The following PARVB variants were observed in gnomAD, a reference collection of about 807,000 sequenced individuals.
PARVB encodes beta-parvin.
A neutral mutation model predicts 47.0 loss-of-function variants in PARVB; 46 were observed. That is an observed-to-expected ratio of 0.98 (90% confidence interval 0.77 to 1.25). PARVB has a LOEUF of 1.25. PARVB is among the 50% of genes most tolerant of loss of function. PARVB has a pLI of 0.00. For missense variants in PARVB, 473 were observed against 471.6 expected, an observed-to-expected ratio of 1.00 and a Z score of -0.03; for synonymous variants, 196 against 196.3, an observed-to-expected ratio of 1.00 and a Z score of 0.01.
In PARVB at chr22:44,136,515, C is replaced by T. The variant is rs772783573; in HGVS notation, c.689C>T (p.Thr230Ile). 1.5e-5 allele frequency: 24 copies of T among 1,613,546 alleles called. 1 individual carries two copies. The highest frequency in any genetic ancestry group is 2.0e-5 in the Non-Finnish European group (24 of 1,179,636). The change falls in exon 7 of 13, where the codon ACA becomes ATA. Residue 230 changes from threonine to isoleucine, a missense_variant. Transcript: ENST00000338758. ...ATCTCGGAGGAGCTGACCACAACTA[C>T]AGAGTAAGTGGACCCCTGTCTTGCC... ...SHISEELTTT[T>I]EMMMGRFERD...
intron 2 of PARVB, among the ~76,000 whole-genome samples, chr22:44,096,321 TGAA>T: frequency 6.6e-6 from 1 of 152,152 alleles, no homozygotes; most frequent in Non-Finnish European, 1.5e-5. Context: ...TGCCTGAGTC[TGAA>T]GAAGTTGAGG....
At chr22:44,158,966 CTGTT>C (rs2053994346) in intron 11 of PARVB, among the ~76,000 whole-genome samples, 2 of 152,206 alleles carry the variant, frequency 1.3e-5, no homozygotes, top group African/African-American at 4.8e-5. Context: ...ACGTTGCAGT[CTGTT>C]TGCTTGTGGC....
At chr22:44,151,589 C>T (rs374672172) in intron 10 of PARVB, 38 bp downstream of exon 10, 63 of 1,502,602 alleles carry the variant, frequency 4.2e-5, no homozygotes, top group African/African-American at 3.0e-4. Flanking sequence ...CTTTGTCCAC[C>T]GCCATTTTCA....
At chr22:44,000,420 T>G (rs1424144818) in intron 2 of PARVB, among the ~76,000 whole-genome samples, 1 of 152,214 alleles carries the variant, frequency 6.6e-6, no homozygotes, top group Non-Finnish European at 1.5e-5. Context: ...AGTCCCCTGT[T>G]TCCCAGTGAA....
intron 1 of PARVB, among the ~76,000 whole-genome samples, chr22:44,032,217 C>T (rs370051411): frequency 6.6e-6 from 1 of 152,168 alleles, no homozygotes; most frequent in Non-Finnish European, 1.5e-5. Context: ...AAATGAGAGC[C>T]TTCTCTCTGG....
chr22:44,007,555 C>G (rs551399393), intron 2 of PARVB, among the ~76,000 whole-genome samples: 3 of 152,342 alleles, frequency 2.0e-5, no homozygotes, highest in African/African-American at 7.2e-5. Flanking sequence ...CCTGTAGATT[C>G]CTCTTCTCCA....
Position 44,132,774 on chromosome 22 carries a change from C to T in PARVB, c.518-120C>T, listed in dbSNP as rs953506983. On this transcript the variant is annotated intron_variant, in intron 5 of 12. Transcript: ENST00000338758. ...GCTCTCTTGATTTGTCCACACTTCG[C>T]TCCATCCTTGTCTCGCTGGGGTCTC... is the stretch of plus-strand genomic sequence containing the variant. The T allele has an allele frequency of 1.2e-5, 8 of 643,126 alleles. No individual in the cohort carries two copies. In the African/African-American group the frequency reaches 1.5e-4, roughly 12 times the overall value. The allele number at this position is 643,126 out of a possible 1,614,324, so 39.8% of individuals were successfully genotyped here.
At chr22:44,065,454 C>A (rs2051500152) in intron 1 of PARVB, among the ~76,000 whole-genome samples, 1 of 152,094 alleles carries the variant, frequency 6.6e-6, no homozygotes, top group Admixed American at 6.5e-5. Context: ...CTACGCCCAG[C>A]CTCCCACCTC....
intron 3 of PARVB, chr22:44,112,539 G>T (rs1242912205): frequency 3.3e-5 from 5 of 152,642 alleles, no homozygotes; most frequent in Non-Finnish European, 5.8e-5. Flanking sequence ...TCTCTGCTCA[G>T]ATGCCGCCTG....
At chr22:44,142,616 C>T (rs1282479049) in intron 8 of PARVB, 2 of 152,094 alleles carry the variant, frequency 1.3e-5, no homozygotes, top group African/African-American at 4.8e-5. Flanking sequence ...CCCCTGCCAC[C>T]CCATGAATGA....
intron 2 of PARVB, among the ~76,000 whole-genome samples, chr22:44,016,224 G>C (rs1458324171): frequency 6.6e-6 from 1 of 151,706 alleles, no homozygotes; most frequent in Non-Finnish European, 1.5e-5. Flanking sequence ...AGCCTCCCGA[G>C]TAGCTGGGAC....
At position 44,170,263 on chromosome 22, in the gene PARVB, A is replaced by G. The variant is rs2054253581; in HGVS notation, c.*1585A>G. Reference sequence around the variant, plus strand: ...CGACCCACCCACCTCAGCCTCCCAAAGTGCTGGGATTATAGGCATGAGCGG... The same window carrying G: ...CGACCCACCCACCTCAGCCTCCCAAGGTGCTGGGATTATAGGCATGAGCGG... On this transcript the variant is annotated 3_prime_UTR_variant, in exon 13 of 13. Transcript: ENST00000338758. 6.6e-6 allele frequency: 1 copy of G among 152,078 alleles called. No individual in the cohort carries two copies. The highest frequency in any genetic ancestry group is 1.5e-5 in the Non-Finnish European group (1 of 68,022). The allele number at this position is 152,078 out of a possible 1,614,324, so 9.4% of individuals were successfully genotyped here.
In PARVB at chr22:44,151,469, T is replaced by G. The variant is rs761685555; in HGVS notation, c.775-14T>G. The G allele has an allele frequency of 6.2e-7, 1 of 1,611,758 alleles. No homozygotes were observed. Among genetic ancestry groups the G allele is most frequent in the Non-Finnish European group, 8.5e-7 (1 of 1,177,820 alleles). On this transcript the variant is annotated splice_polypyrimidine_tract_variant and intron_variant, in intron 9 of 12. Transcript: ENST00000338758. ...GGCCATTCATGGCTCCTGTGTCTCTTTTATTCTTGGCAGTCTCTCATCACT... is the reference window on the plus strand; with the variant it reads ...GGCCATTCATGGCTCCTGTGTCTCTGTTATTCTTGGCAGTCTCTCATCACT...
upstream of PARVB, among the ~76,000 whole-genome samples, chr22:44,023,547 TAAAA>T (rs377445034): frequency 0.17 from 16,406 of 99,254 alleles, 1,271 homozygotes; most frequent in Middle Eastern, 0.23. Flanking sequence ...CAAAATAAAA[TAAAA>T]TAAAATAAAA....
At chr22:44,153,682 G>A (rs1319110949) in intron 10 of PARVB, 1 of 152,170 alleles carries the variant, frequency 6.6e-6, no homozygotes, top group African/African-American at 2.4e-5. Context: ...GTTTTGTAAT[G>A]TGTTTTGTGT....
chr22:44,101,205 C>A (rs1047375561), intron 3 of PARVB, among the ~76,000 whole-genome samples: 1 of 150,798 alleles, frequency 6.6e-6, no homozygotes, highest in Non-Finnish European at 1.5e-5. Flanking sequence ...GTCAGGAGAT[C>A]GAGACCATCC....
At chr22:44,126,180 T>C (rs1490681740) in intron 4 of PARVB, among the ~76,000 whole-genome samples, 2 of 152,142 alleles carry the variant, frequency 1.3e-5, no homozygotes, top group African/African-American at 4.8e-5. Flanking sequence ...ACTGCACGGC[T>C]TCACCCAAAG....
rs184499865 is a variant in PARVB at position 44,162,123 on chromosome 22, G to T, written c.946-1735G>T. 8.1e-4 allele frequency among the ~76,000 whole-genome samples: 123 copies of T among 152,274 alleles called. 1 individual carries two copies. Among genetic ancestry groups the T allele is most frequent in the South Asian group, 3.1e-3 (15 of 4,824 alleles). On this transcript the variant is annotated intron_variant, in intron 11 of 12. Transcript: ENST00000338758. ...AGGTCATTCGCCCCTTTGCTTCTCCGAGCACAGGCCGTGTGCACTGTGGAA... is the reference window on the plus strand; with the variant it reads ...AGGTCATTCGCCCCTTTGCTTCTCCTAGCACAGGCCGTGTGCACTGTGGAA...
intron 11 of PARVB, among the ~76,000 whole-genome samples, chr22:44,161,448 G>A (rs1417353375): frequency 6.6e-6 from 1 of 151,824 alleles, no homozygotes; most frequent in African/African-American, 2.4e-5. Context: ...TTAGTAGCTG[G>A]GATTACAGGC....
Sources: allele counts gnomAD v4.1 joint callset (sites outside exome capture counted in the v4.1 genomes callset), GRCh38; gene constraint gnomAD v4.1.1; transcripts MANE v1.5; gene names NCBI Gene and HGNC (gene_info 2026-07-23, HGNC 2026-07-21).